ADGRL2: variants seen among roughly 807,000 people sequenced by gnomAD.
ADGRL2 encodes calcium-independent alpha-latrotoxin receptor 2.
ADGRL2 carries 44 observed loss-of-function variants against 157.4 expected under a neutral mutation model. That is an observed-to-expected ratio of 0.28 (90% CI 0.22 to 0.36). The LOEUF (loss-of-function observed/expected upper bound fraction) is 0.36. Ranked by LOEUF, ADGRL2 falls within the 10% of genes least tolerant of loss-of-function variation. ADGRL2 has a pLI of 1.00. For synonymous variants in ADGRL2, 585 were observed against 624.7 expected, an observed-to-expected ratio of 0.94 and a Z score of 0.95; for missense variants, 1,510 against 1,768.9, an observed-to-expected ratio of 0.85 and a Z score of 2.63.
chr1:81,706,049 A>C (rs1050844230), intron 1 of ADGRL2, among the ~76,000 whole-genome samples: 5 of 152,076 alleles, frequency 3.3e-5, no homozygotes, highest in Non-Finnish European at 5.9e-5. Context: ...AAATACAAAA[A>C]TTAGCTGGGC....
intron 3 of ADGRL2, among the ~76,000 whole-genome samples, chr1:81,654,245 C>T (rs2082482859): frequency 4.6e-5 from 7 of 152,344 alleles, no homozygotes. Flanking sequence ...CACACCCAGC[C>T]TCCGCTTCTT....
At chr1:81,761,689 T>C (rs1046019160) in intron 1 of ADGRL2, 6 of 124,938 alleles carry the variant, frequency 4.8e-5, no homozygotes, top group Non-Finnish European at 9.9e-5. Context: ...CTTAGAACAC[T>C]GATTTGTGTT....
intron 2 of ADGRL2, among the ~76,000 whole-genome samples, chr1:81,532,483 A>C (rs537374970): frequency 6.6e-6 from 1 of 152,170 alleles, no homozygotes; most frequent in African/African-American, 2.4e-5. Flanking sequence ...TTTATGAATA[A>C]TATCTGAGCT....
chr1:81,471,570 A>G (rs1026399633), intron 2 of ADGRL2, among the ~76,000 whole-genome samples: 2 of 152,180 alleles, frequency 1.3e-5, no homozygotes, highest in African/African-American at 4.8e-5. Context: ...TTTTATGATA[A>G]TATTTATGGA....
chr1:81,478,673 A>G (rs1369178006), intron 2 of ADGRL2, among the ~76,000 whole-genome samples: 2 of 152,150 alleles, frequency 1.3e-5, no homozygotes, highest in Non-Finnish European at 2.9e-5. Flanking sequence ...TAATAGTGGC[A>G]GTGTTCAGAT....
In ADGRL2 at chr1:81,907,106, G is replaced by A; in HGVS notation, c.163G>A (p.Asp55Asn). 1 of 1,614,128 alleles carries A rather than the reference G, an allele frequency of 6.2e-7. No homozygotes were observed. Among genetic ancestry groups the A allele is most frequent in the Non-Finnish European group, 8.5e-7 (1 of 1,180,014 alleles). Reference sequence around the variant, plus strand: ...TATAGATCTGCGATGCCCGGGCAGTGATGTCATCATGATTGAGAGCGCTAA... The same window carrying A: ...TATAGATCTGCGATGCCCGGGCAGTAATGTCATCATGATTGAGAGCGCTAA... The part of the protein sequence containing the change: ...YSIDLRCPGS[D>N]VIMIESANYG... Residue 55 changes from aspartate to asparagine, a missense_variant, in exon 3 of 24, where the codon GAT becomes AAT. Transcript: ENST00000686636.
At chr1:81,931,499 A>G (rs1405588266) in intron 3 of ADGRL2, among the ~76,000 whole-genome samples, 1 of 152,166 alleles carries the variant, frequency 6.6e-6, no homozygotes, top group Non-Finnish European at 1.5e-5. Context: ...GATGTGAAAT[A>G]ATGATTAAAT....
chr1:81,362,625 G>C (rs982126539), intron 1 of ADGRL2, among the ~76,000 whole-genome samples: 7 of 151,662 alleles, frequency 4.6e-5, no homozygotes, highest in Admixed American at 2.0e-4. Flanking sequence ...GATCAATGAG[G>C]ACTAAAAATT....
chr1:81,908,148 C>T (rs1331221464), intron 3 of ADGRL2, among the ~76,000 whole-genome samples: 1 of 152,092 alleles, frequency 6.6e-6, no homozygotes, highest in African/African-American at 2.4e-5. Flanking sequence ...TAGACTGTAC[C>T]TTATAGTCTA....
chr1:81,979,522 A>T (rs187943380), intron 17 of ADGRL2, among the ~76,000 whole-genome samples: 1 of 151,820 alleles, frequency 6.6e-6, no homozygotes, highest in African/African-American at 2.4e-5. Flanking sequence ...CATGATGTAC[A>T]TTATGTAAAT....
At chr1:81,515,444 G>GAAAA (rs35373497) in intron 2 of ADGRL2, among the ~76,000 whole-genome samples, 186 of 111,622 alleles carry the variant, frequency 1.7e-3, no homozygotes, top group African/African-American at 5.0e-3. Flanking sequence ...AGGAACCTCA[G>GAAAA]AAAAAAAAAA....
intron 3 of ADGRL2, among the ~76,000 whole-genome samples, chr1:81,660,063 ATGTTTT>A (rs2082621120): frequency 6.6e-6 from 1 of 152,086 alleles, no homozygotes; most frequent in African/African-American, 2.4e-5. Flanking sequence ...CCACATGGCC[ATGTTTT>A]CTTCCCTTCA....
intron 3 of ADGRL2, among the ~76,000 whole-genome samples, chr1:81,661,890 C>T (rs2082658586): frequency 6.6e-6 from 1 of 152,106 alleles, no homozygotes; most frequent in African/African-American, 2.4e-5. Flanking sequence ...CACTGGATAT[C>T]CTCTAACAGT....
At chr1:81,499,080 G>A (rs1214869267) in intron 2 of ADGRL2, among the ~76,000 whole-genome samples, 2 of 152,196 alleles carry the variant, frequency 1.3e-5, no homozygotes, top group African/African-American at 4.8e-5. Flanking sequence ...AAGACAGTTT[G>A]TTACCCTCTA....
chr1:81,792,233 T>A (rs2087384611), intron 2 of ADGRL2, among the ~76,000 whole-genome samples: 2 of 152,052 alleles, frequency 1.3e-5, no homozygotes, highest in African/African-American at 4.8e-5. Flanking sequence ...ATATAGAAAA[T>A]CATGTGCAAC....
At chr1:81,821,567 A>G (rs531495991) in intron 1 of ADGRL2, among the ~76,000 whole-genome samples, 1 of 152,142 alleles carries the variant, frequency 6.6e-6, no homozygotes, top group Non-Finnish European at 1.5e-5. Flanking sequence ...CATTCACAGC[A>G]GAAGACTACT....
chr1:81,696,645 G>T (rs891184523), upstream of ADGRL2, among the ~76,000 whole-genome samples: 5 of 152,072 alleles, frequency 3.3e-5, no homozygotes, highest in Non-Finnish European at 5.9e-5. Flanking sequence ...CCAGCTACTC[G>T]GGAGGCTGAG....
At chr1:81,623,187 A>G (rs1439794054) in intron 3 of ADGRL2, among the ~76,000 whole-genome samples, 1 of 152,212 alleles carries the variant, frequency 6.6e-6, no homozygotes, top group African/African-American at 2.4e-5. Context: ...GGGAGACACT[A>G]GAATCAACAG....
intron 2 of ADGRL2, among the ~76,000 whole-genome samples, chr1:81,478,645 A>T (rs1431154033): frequency 6.6e-6 from 1 of 152,170 alleles, no homozygotes; most frequent in East Asian, 1.9e-4. Flanking sequence ...GATCGGCTAC[A>T]ATTTGTAGTC....
Sources: allele counts gnomAD v4.1 joint callset (sites outside exome capture counted in the v4.1 genomes callset), GRCh38; gene constraint gnomAD v4.1.1; transcripts MANE v1.5; gene names NCBI Gene and HGNC (gene_info 2026-07-23, HGNC 2026-07-21).